The following SEC61A2 variants were observed in gnomAD, a reference collection of about 807,000 sequenced individuals.
SEC61A2 encodes the protein protein transport protein Sec61 subunit alpha isoform 2.
SEC61A2 carries 28 observed loss-of-function variants against 59.9 expected under a neutral mutation model. That is an observed-to-expected ratio of 0.47 (90% CI 0.35 to 0.64). SEC61A2 has a LOEUF of 0.64. Ranked by LOEUF, SEC61A2 falls within the 30% of genes least tolerant of loss-of-function variation. The pLI is 0.01. For synonymous variants in SEC61A2, 202 were observed against 214.4 expected (o/e 0.94, Z 0.50); for missense variants, 340 against 585.9 (o/e 0.58, Z 4.33).
chr10:12,167,937 G>A (rs954200109), downstream of SEC61A2: 66 of 1,436,730 alleles, frequency 4.6e-5, no homozygotes, highest in African/African-American at 8.8e-5. Flanking sequence ...TGGTGATAAC[G>A]TTTTTTTTGG....
At chr10:12,168,642 G>A (rs999690794), downstream of SEC61A2, among the ~76,000 whole-genome samples, 2 of 152,140 alleles carry the variant, frequency 1.3e-5, no homozygotes, top group African/African-American at 4.8e-5. This position sits in a 1 kb window ranked among gnomAD's most constrained non-coding sequence, Gnocchi z 4.8. Context: ...TTTCCTAGCC[G>A]CTTGTTTGGG....
chr10:12,138,215 C>T (rs1465038598), intron 3 of SEC61A2, among the ~76,000 whole-genome samples: 1 of 152,030 alleles, frequency 6.6e-6, no homozygotes, highest in Non-Finnish European at 1.5e-5. Context: ...AATTAAAGTA[C>T]TTTTACTACT....
At position 12,129,786 on chromosome 10, in the gene SEC61A2, C is replaced by T. The variant is rs1833684146; in HGVS notation, c.-2C>T. The T allele has an allele frequency of 1.4e-6, 2 of 1,474,112 alleles. No individual in the cohort carries two copies. The highest frequency in any genetic ancestry group is 2.9e-5 in the African/African-American group (2 of 68,982). The allele number at this position is 1,474,112 out of a possible 1,614,324, so 91.3% of individuals were successfully genotyped here. A position where few individuals can be genotyped will look rare whatever the true frequency, so the allele number is the denominator to read the frequency against. ...TCCCCCTGGGCCTCCCCAGCAGCAG[C>T]CATGGGCAGTGAGTAGCGGCGGCTG... On this transcript the variant is annotated 5_prime_UTR_variant, in exon 1 of 12. Coordinates refer to ENST00000298428, the MANE Select transcript of SEC61A2 (RefSeq NM_018144.4). The surrounding 1 kb of genome is among the most constrained non-coding windows in gnomAD (Gnocchi z 5.6).
downstream of SEC61A2, among the ~76,000 whole-genome samples, chr10:12,168,726 C>T (rs907845927): frequency 1.3e-5 from 2 of 152,120 alleles, no homozygotes; most frequent in Non-Finnish European, 2.9e-5. The surrounding 1 kb of genome is among the most constrained non-coding windows in gnomAD (Gnocchi z 4.8). Context: ...TGGTAACTGG[C>T]AGATGCTACT....
chr10:12,130,793 C>T (rs1002140052), intron 1 of SEC61A2: 7 of 153,792 alleles, frequency 4.6e-5, no homozygotes, highest in African/African-American at 9.6e-5. Context: ...AATTACTTCT[C>T]AAAAACCGCA....
At chr10:12,168,897 G>C (rs1729321709), downstream of SEC61A2, among the ~76,000 whole-genome samples, 1 of 152,018 alleles carries the variant, frequency 6.6e-6, no homozygotes, top group Non-Finnish European at 1.5e-5. This position sits in a 1 kb window ranked among gnomAD's most constrained non-coding sequence, Gnocchi z 4.8. Context: ...TGAGTAGCTG[G>C]GACTACCGGC....
intron 3 of SEC61A2, among the ~76,000 whole-genome samples, chr10:12,138,834 A>C (rs2131649989): frequency 6.6e-6 from 1 of 152,354 alleles, no homozygotes; most frequent in East Asian, 1.9e-4. Context: ...TTCATGTATA[A>C]GTCTTTCTGT....
rs1834341122 is a variant in SEC61A2, at chr10:12,153,945, T to A, written c.463-1833T>A. 1 of 722,896 alleles carries A rather than the reference T, an allele frequency of 1.4e-6. No homozygotes were observed. The highest frequency in any genetic ancestry group is 2.1e-6 in the Non-Finnish European group (1 of 468,266). The allele number at this position is 722,896 out of a possible 1,614,324, so 44.8% of individuals were successfully genotyped here. A position where few individuals can be genotyped will look rare whatever the true frequency, so the allele number is the denominator to read the frequency against. ...CATAGCAGGTCTTGACTAAAAATTT[T>A]AAAAAACTATTAGAGAATATCAGTG... is the stretch of plus-strand genomic sequence containing the variant. On this transcript the variant is annotated intron_variant, in intron 6 of 11. Coordinates refer to ENST00000298428, the MANE Select transcript of SEC61A2 (RefSeq NM_018144.4). The surrounding 1 kb of genome is among the most constrained non-coding windows in gnomAD (Gnocchi z 5.2).
intron 6 of SEC61A2, among the ~76,000 whole-genome samples, chr10:12,151,061 C>T (rs893731412): frequency 1.3e-5 from 2 of 151,396 alleles, no homozygotes; most frequent in Non-Finnish European, 2.9e-5. Context: ...AGGCGTGAGC[C>T]ACTGCGCCCG....
At chr10:12,169,281 G>A (rs1834793021), downstream of SEC61A2, 2 of 1,553,396 alleles carry the variant, frequency 1.3e-6, no homozygotes, top group Non-Finnish European at 1.7e-6. The surrounding 1 kb of genome is among the most constrained non-coding windows in gnomAD (Gnocchi z 4.8). Context: ...TTAAGAAGGT[G>A]GAAGGGAGAA....
chr10:12,133,345 A>C, intron 2 of SEC61A2, 37 bp downstream of exon 2: 199 of 1,074,874 alleles, frequency 1.9e-4, no homozygotes, highest in Non-Finnish European at 2.5e-4. Context: ...AGGGTAGCTC[A>C]AGGGCTTGTT....
chr10:12,166,334 T>C (rs1394824172), downstream of SEC61A2: 1 of 154,440 alleles, frequency 6.5e-6, no homozygotes, highest in African/African-American at 2.4e-5. Context: ...ATGCCTGTGA[T>C]TGAAATCAGG....
chr10:12,143,694 C>G lies in SEC61A2; in HGVS notation c.220+499C>G, dbSNP rs144707457. On this transcript the variant is annotated intron_variant, in intron 4 of 11. Coordinates refer to ENST00000298428, the MANE Select transcript of SEC61A2 (RefSeq NM_018144.4). The surrounding 1 kb of genome is among the most constrained non-coding windows in gnomAD (Gnocchi z 4.8). Reference sequence around the variant, plus strand: ...GTTGCAGTGAACTAAGATCGCACCACTGCAATCCAGCCTGGGTAACAGAGT... The same window carrying G: ...GTTGCAGTGAACTAAGATCGCACCAGTGCAATCCAGCCTGGGTAACAGAGT... 8.5e-5 allele frequency among the ~76,000 whole-genome samples: 13 copies of G among 152,240 alleles called. No homozygotes were observed. The East Asian group carries it at 2.3e-3, about 27-fold the overall frequency.
Position 12,164,762 on chromosome 10 carries a change from C to T in SEC61A2, c.*308C>T. The T allele has an allele frequency of 1.8e-6, 2 of 1,120,452 alleles. No homozygotes were observed. The highest frequency in any genetic ancestry group is 2.8e-5 in the South Asian group (1 of 35,232). 69.4% of individuals were successfully genotyped at this position (1,120,452 alleles called of 1,614,324 possible). A position where few individuals can be genotyped will look rare whatever the true frequency, so the allele number is the denominator to read the frequency against. ...GAGACGGTGAGATGGATTCGTTTTG[C>T]ACACAACATTCAAAACACTTCATAT... On this transcript the variant is annotated 3_prime_UTR_variant, in exon 12 of 12. Coordinates refer to ENST00000298428, the MANE Select transcript of SEC61A2 (RefSeq NM_018144.4). This position sits in a 1 kb window ranked among gnomAD's most constrained non-coding sequence, Gnocchi z 7.3.
chr10:12,140,577 T>G lies in SEC61A2; in HGVS notation c.142-2540T>G, dbSNP rs547653015. Among the ~76,000 whole-genome samples, 5 of 152,312 alleles carry G rather than the reference T, an allele frequency of 3.3e-5. No homozygotes were observed. The South Asian group carries it at 6.2e-4, about 19-fold the overall frequency. On this transcript the variant is annotated intron_variant, in intron 3 of 11. Transcript: ENST00000298428. ...ACCATGGCGGATTAAGGAAGGTCGT[T>G]GGGCGGAGTGGCCGCTCTCCACTTG...
chr10:12,157,248 TTTTTTTG>T (rs1171606917), intron 8 of SEC61A2, among the ~76,000 whole-genome samples, 181 bp downstream of exon 8: 1 of 152,208 alleles, frequency 6.6e-6, no homozygotes. Flanking sequence ...GTCTCTGTAC[TTTTTTTG>T]TTTTTTGTTT....
chr10:12,135,503 G>C (rs1041901640), intron 2 of SEC61A2, among the ~76,000 whole-genome samples: 1 of 152,066 alleles, frequency 6.6e-6, no homozygotes, highest in African/African-American at 2.4e-5. Context: ...ATGCAGTTTT[G>C]TTACATGAAT....
chr10:12,141,603 A>G (rs775179037), intron 3 of SEC61A2, among the ~76,000 whole-genome samples: 7 of 152,254 alleles, frequency 4.6e-5, no homozygotes, highest in Non-Finnish European at 8.8e-5. Context: ...CCATAATCCC[A>G]CCATCTACAG....
chr10:12,155,043 T>G lies in SEC61A2; in HGVS notation c.463-735T>G, dbSNP rs1486926924. Among the ~76,000 whole-genome samples the G allele has an allele frequency of 1.3e-5, 2 of 152,182 alleles. No individual in the cohort carries two copies. Among genetic ancestry groups the G allele is most frequent in the East Asian group, 1.9e-4 (1 of 5,196 alleles). ...ACTGTTTTTAATTAATGCATACTTTTACAGGAATGTCTTCTCCAAGAAGCA... is the reference window on the plus strand; with the variant it reads ...ACTGTTTTTAATTAATGCATACTTTGACAGGAATGTCTTCTCCAAGAAGCA... On this transcript the variant is annotated intron_variant, in intron 6 of 11. Coordinates refer to ENST00000298428, the MANE Select transcript of SEC61A2 (RefSeq NM_018144.4). This position sits in a 1 kb window ranked among gnomAD's most constrained non-coding sequence, Gnocchi z 4.3.
Sources: allele counts gnomAD v4.1 joint callset (sites outside exome capture counted in the v4.1 genomes callset), GRCh38; gene constraint gnomAD v4.1.1; non-coding constraint Gnocchi (gnomAD v3.1); transcripts MANE v1.5; gene names NCBI Gene and HGNC (gene_info 2026-07-23, HGNC 2026-07-21).